SPATA7: variants seen among roughly 807,000 people sequenced by gnomAD.
SPATA7 encodes spermatogenesis-associated protein 7.
Under a neutral mutation model 51.8 loss-of-function variants are expected in SPATA7, and 43 were observed. The observed-to-expected ratio is 0.83, with a 90% CI of 0.65 to 1.07. The LOEUF is 1.07. Ranked by LOEUF, SPATA7 falls within the 50% of genes least tolerant of loss-of-function variation. The probability of loss-of-function intolerance (pLI) is 0.00; values close to 1 mark genes in which losing one functional copy is unlikely to be tolerated. For missense variants in SPATA7, 683 were observed against 701.3 expected, an observed-to-expected ratio of 0.97 and a Z score of 0.30; for synonymous variants, 230 against 252.8, an observed-to-expected ratio of 0.91 and a Z score of 0.86.
intron 4 of SPATA7, among the ~76,000 whole-genome samples, chr14:88,463,004 T>C (rs929139580): frequency 6.6e-6 from 1 of 152,210 alleles, no homozygotes; most frequent in African/African-American, 2.4e-5. Flanking sequence ...AAATTAAGTA[T>C]TTTTTAGAAT....
chr14:88,420,307 C>G (rs1175110512), intron 5 of SPATA7, among the ~76,000 whole-genome samples: 1 of 152,170 alleles, frequency 6.6e-6, no homozygotes, highest in Non-Finnish European at 1.5e-5. Context: ...AGGAAATTAA[C>G]AAATATTTAT....
At chr14:88,428,312 C>G (rs905316709) in intron 7 of SPATA7, 1 of 151,970 alleles carries the variant, frequency 6.6e-6, no homozygotes, top group East Asian at 1.9e-4. Context: ...AAATTTGTTG[C>G]TTATAAAAAT....
intron 9 of SPATA7, chr14:88,432,892 A>AT: frequency 2.3e-6 from 1 of 426,952 alleles, no homozygotes; most frequent in Non-Finnish European, 4.2e-6. Context: ...TTTTACTGCT[A>AT]TGGATGTTGC....
downstream of SPATA7, among the ~76,000 whole-genome samples, chr14:88,458,874 C>T (rs909162643): frequency 3.3e-5 from 5 of 152,134 alleles, no homozygotes; most frequent in African/African-American, 1.2e-4. Context: ...TATAAATTTC[C>T]CTCTACACAC....
chr14:88,393,103 C>CA (rs60631129), intron 2 of SPATA7, among the ~76,000 whole-genome samples: 173 of 147,232 alleles, frequency 1.2e-3, no homozygotes, highest in African/African-American at 2.4e-3. Context: ...TGAGAGCTGT[C>CA]AAAAAAAAAA....
In SPATA7 at chr14:88,438,396, A is replaced by G; in HGVS notation, c.1774A>G (p.Ile592Val). 1 of 1,613,936 alleles carries G rather than the reference A, an allele frequency of 6.2e-7. No individual in the cohort carries two copies. The highest frequency in any genetic ancestry group is 8.5e-7 in the Non-Finnish European group (1 of 1,179,876). The change falls in exon 12 of 12, where the codon ATT (isoleucine) becomes GTT (valine). Residue 592 changes from isoleucine (I) to valine (V), a missense_variant. Transcript: ENST00000393545. ...LSTLKIMEMS[I>V]EDCPLDV ...AACTCTTAAAATCATGGAAATGAGC[A>G]TTGAGGACTGCCCTTTGGATGTTTA...
rs138735172 is a variant in SPATA7 at position 88,417,116 on chromosome 14, T to C, written c.372+272T>C. Among the ~76,000 whole-genome samples, 245 of 152,286 alleles carry C rather than the reference T, an allele frequency of 1.6e-3. 2 individuals carry two copies. The highest frequency in any genetic ancestry group is 5.6e-3 in the African/African-American group (233 of 41,554). On this transcript the variant is annotated intron_variant, in intron 5 of 11. Transcript: ENST00000393545. ...TGGGTCAGATTTGGCCTGAAGGTTA[T>C]AGTTTGCAGACCCCAGTTATAGGTT...
At chr14:88,427,515 A>G (rs907640331) in intron 6 of SPATA7, 115 bp from the exon 7 acceptor site, 1 of 677,010 alleles carries the variant, frequency 1.5e-6, no homozygotes, top group Non-Finnish European at 2.6e-6. Context: ...TATGTATTTT[A>G]TAAGAATAGA....
Position 88,437,993 on chromosome 14 carries a change from A to G in SPATA7, c.1371A>G (p.Glu457=). 2 of 1,614,072 alleles carry G rather than the reference A, an allele frequency of 1.2e-6. No homozygotes were observed. Among genetic ancestry groups the G allele is most frequent in the East Asian group, 2.2e-5 (1 of 44,850 alleles). ...SEPNELKNES[E]VTIQQERQQY... ...CAAATGAATTAAAAAATGAAAGTGA[A>G]GTAACAATTCAGCAGGAACGTCAAC... The change falls in exon 12 of 12, where the codon GAA becomes GAG. Residue 457 remains glutamate (E), a synonymous_variant. Coordinates refer to ENST00000393545, the MANE Select transcript of SPATA7 (RefSeq NM_018418.5).
chr14:88,418,141 T>C (rs566841002), intron 5 of SPATA7, among the ~76,000 whole-genome samples: 3 of 142,156 alleles, frequency 2.1e-5, no homozygotes, highest in Non-Finnish European at 4.4e-5. Context: ...TGTGCCTTCA[T>C]TCTTCTTCTT....
At chr14:88,396,905 C>G (rs1357353534) in intron 4 of SPATA7, among the ~76,000 whole-genome samples, 1 of 141,082 alleles carries the variant, frequency 7.1e-6, no homozygotes, top group African/African-American at 2.6e-5. Flanking sequence ...GGGTCTCACT[C>G]TATTGCCCTG....
At chr14:88,461,058 G>A (rs190682619) in intron 4 of SPATA7, among the ~76,000 whole-genome samples, 6 of 152,284 alleles carry the variant, frequency 3.9e-5, no homozygotes, top group South Asian at 4.1e-4. Context: ...CTGCCTGATC[G>A]TTCCTCTGGA....
At chr14:88,463,433 G>C (rs2077330075) in intron 4 of SPATA7, among the ~76,000 whole-genome samples, 1 of 152,168 alleles carries the variant, frequency 6.6e-6, no homozygotes, top group African/African-American at 2.4e-5. Flanking sequence ...GTTGCTTTCT[G>C]AGTCTTGGTT....
intron 3 of SPATA7, among the ~76,000 whole-genome samples, chr14:88,445,489 C>A (rs916017431): frequency 6.6e-5 from 10 of 152,128 alleles, no homozygotes; most frequent in African/African-American, 2.4e-4. Flanking sequence ...CCTTCTCCTG[C>A]CCAATTGCCC....
chr14:88,461,173 G>T (rs1214541545), intron 4 of SPATA7, among the ~76,000 whole-genome samples: 5 of 152,220 alleles, frequency 3.3e-5, no homozygotes, highest in African/African-American at 1.2e-4. Context: ...CACTTGAGGG[G>T]GCAGTCTGTC....
At chr14:88,449,247 G>T (rs1023686890) in intron 3 of SPATA7, among the ~76,000 whole-genome samples, 4 of 151,998 alleles carry the variant, frequency 2.6e-5, no homozygotes, top group African/African-American at 7.2e-5. Context: ...GTATTCCAGA[G>T]GTTCAGATAT....
intron 5 of SPATA7, among the ~76,000 whole-genome samples, chr14:88,419,296 T>G (rs1262503052): frequency 6.6e-6 from 1 of 152,172 alleles, no homozygotes; most frequent in Non-Finnish European, 1.5e-5. Flanking sequence ...CTTGGTGAAC[T>G]GAACCTGTTA....
intron 4 of SPATA7, among the ~76,000 whole-genome samples, chr14:88,402,729 T>A (rs772875122): frequency 2.0e-5 from 3 of 152,080 alleles, no homozygotes; most frequent in Non-Finnish European, 4.4e-5. Context: ...AAAAAAAGCT[T>A]CTTGGCTTTA....
intron 4 of SPATA7, among the ~76,000 whole-genome samples, chr14:88,406,888 T>C (rs911795885): frequency 1.3e-5 from 2 of 152,208 alleles, no homozygotes; most frequent in Admixed American, 1.3e-4. Flanking sequence ...GTTAGTTTGC[T>C]GAGAATGATA....
Sources: allele counts gnomAD v4.1 joint callset (sites outside exome capture counted in the v4.1 genomes callset), GRCh38; gene constraint gnomAD v4.1.1; transcripts MANE v1.5; gene names NCBI Gene and HGNC (gene_info 2026-07-23, HGNC 2026-07-21).